Variants in PLCB1 observed in about 807,000 individuals in gnomAD.
The protein encoded by PLCB1 is 1-phosphatidylinositol 4,5-bisphosphate phosphodiesterase beta-1.
PLCB1 carries 46 observed loss-of-function variants against 161.8 expected under a neutral mutation model. That is an observed-to-expected ratio of 0.28 (90% CI 0.22 to 0.36). PLCB1 has a LOEUF of 0.36. Among genes scored for constraint, PLCB1 ranks in the 10% least tolerant of loss-of-function variants. The probability of loss-of-function intolerance (pLI) is 1.00; values close to 1 mark genes in which losing one functional copy is unlikely to be tolerated. For missense variants in PLCB1, 1,016 were observed against 1,472.5 expected (o/e 0.69, Z 5.07); for synonymous variants, 517 against 503.7 (o/e 1.03, Z -0.35).
intron 2 of PLCB1, among the ~76,000 whole-genome samples, chr20:8,166,473 C>T (rs2051676341): frequency 6.6e-6 from 1 of 152,182 alleles, no homozygotes; most frequent in Non-Finnish European, 1.5e-5. Flanking sequence ...CTGTAAGTTG[C>T]AGTCCTTCTC....
rs1484004655 is a variant in PLCB1, at chr20:8,361,662, T to C, written c.178-9720T>C. Among the ~76,000 whole-genome samples, 8 of 152,302 alleles carry C rather than the reference T, an allele frequency of 5.3e-5. No individual in the cohort carries two copies. The South Asian group carries it at 1.7e-3, about 32-fold the overall frequency. The stretch of plus-strand genomic sequence containing the variant: ...AGATAAGTGATGGATTCAAATATTA[T>C]ATTAAGGTAAGATTGAGGGAGTAGT... On this transcript the variant is annotated intron_variant, in intron 2 of 31. Coordinates refer to ENST00000338037, the MANE Select transcript of PLCB1 (RefSeq NM_015192.4).
chr20:8,218,331 G>A (rs562609423), intron 2 of PLCB1, among the ~76,000 whole-genome samples: 3 of 152,082 alleles, frequency 2.0e-5, no homozygotes, highest in Non-Finnish European at 4.4e-5. Context: ...AGTTCAGATA[G>A]GTCATAGAGT....
intron 2 of PLCB1, among the ~76,000 whole-genome samples, chr20:8,298,592 C>CTT: frequency 7.4e-6 from 1 of 134,280 alleles, no homozygotes; most frequent in Admixed American, 7.4e-5. Context: ...GGAATTGGGG[C>CTT]TTTTTTTTTT....
At chr20:8,471,726 C>G (rs953586451) in intron 3 of PLCB1, among the ~76,000 whole-genome samples, 1 of 152,122 alleles carries the variant, frequency 6.6e-6, no homozygotes, top group Non-Finnish European at 1.5e-5. Context: ...TTTCAAAGAG[C>G]TCTAAATTTA....
Position 8,287,524 on chromosome 20 carries a change from C to T in PLCB1, c.178-83858C>T, listed in dbSNP as rs541864360. ...TGTGGCTCCATGTAGATGATTCCTA[C>T]AGGGCTGGAAAGCAATTACTCAGTA... On this transcript the variant is annotated intron_variant, in intron 2 of 31. Transcript: ENST00000338037. Among the ~76,000 whole-genome samples, 4 of 152,250 alleles carry T rather than the reference C, an allele frequency of 2.6e-5. No individual in the cohort carries two copies. The South Asian group carries it at 8.3e-4, about 32-fold the overall frequency.
rs1382851309 is a variant in PLCB1 at position 8,739,369 on chromosome 20, A to T, written c.2308+9A>T. On this transcript the variant is annotated intron_variant, in intron 21 of 31. Transcript: ENST00000338037. ...GCAAGCCATTCGGCCAGGTATGGGTAGTGTGCTGAGAAACCTTTTATCAAA... is the reference window on the plus strand; with the variant it reads ...GCAAGCCATTCGGCCAGGTATGGGTTGTGTGCTGAGAAACCTTTTATCAAA... 6.4e-7 allele frequency: 1 copy of T among 1,555,924 alleles called. No homozygotes were observed. Among genetic ancestry groups the T allele is most frequent in the Non-Finnish European group, 8.9e-7 (1 of 1,127,120 alleles).
intron 2 of PLCB1, among the ~76,000 whole-genome samples, chr20:8,353,325 T>C (rs538674018): frequency 6.6e-6 from 1 of 152,194 alleles, no homozygotes; most frequent in Admixed American, 6.5e-5. Context: ...TATAAATCAG[T>C]CATTGAATGA....
intron 3 of PLCB1, among the ~76,000 whole-genome samples, chr20:8,474,785 A>T (rs1982199805): frequency 6.6e-6 from 1 of 152,140 alleles, no homozygotes. Flanking sequence ...AGAATGGGGA[A>T]GTACATTGCC....
chr20:8,651,987 G>A, intron 7 of PLCB1: 2 of 152,704 alleles, frequency 1.3e-5, no homozygotes, highest in South Asian at 2.1e-4. Flanking sequence ...GATAACCTCT[G>A]GTAAAATATA....
intron 3 of PLCB1, among the ~76,000 whole-genome samples, chr20:8,548,200 A>G (rs1351676283): frequency 9.8e-6 from 1 of 102,126 alleles, no homozygotes. Flanking sequence ...CTTTCTTCCC[A>G]TTTTCTTTCC....
chr20:8,348,661 A>G (rs1986077516), intron 2 of PLCB1, among the ~76,000 whole-genome samples: 2 of 152,222 alleles, frequency 1.3e-5, no homozygotes, highest in African/African-American at 4.8e-5. Context: ...CTTCTTTCAC[A>G]TGGAAGAAAT....
intron 22 of PLCB1, among the ~76,000 whole-genome samples, chr20:8,740,917 G>A (rs1044121121): frequency 2.6e-5 from 4 of 152,194 alleles, no homozygotes; most frequent in Non-Finnish European, 5.9e-5. Flanking sequence ...ACCATGGTAA[G>A]CTTGGGGCTG....
intron 3 of PLCB1, among the ~76,000 whole-genome samples, chr20:8,430,125 G>T (rs1004521012): frequency 6.6e-6 from 1 of 151,964 alleles, no homozygotes; most frequent in Non-Finnish European, 1.5e-5. Flanking sequence ...CTGTGACTGG[G>T]TGTGAATCTA....
chr20:8,883,486 A>T lies in PLCB1; in HGVS notation c.*1637A>T, dbSNP rs1449969875. On this transcript the variant is annotated 3_prime_UTR_variant, in exon 32 of 32. Transcript: ENST00000338037. Reference sequence around the variant, plus strand: ...TAAAACCCAGAAGCCAGATGCTCACAGTTTTATTTTACTTTAAAATAAACC... The same window carrying T: ...TAAAACCCAGAAGCCAGATGCTCACTGTTTTATTTTACTTTAAAATAAACC... The T allele has an allele frequency of 6.6e-6, 1 of 152,130 alleles. No individual in the cohort carries two copies. Among genetic ancestry groups the T allele is most frequent in the African/African-American group, 2.4e-5 (1 of 41,466 alleles). The allele number at this position is 152,130 out of a possible 1,614,324, so 9.4% of individuals were successfully genotyped here. A position where few individuals can be genotyped will look rare whatever the true frequency, so the allele number is the denominator to read the frequency against.
chr20:8,508,453 G>T (rs1044926767), intron 3 of PLCB1, among the ~76,000 whole-genome samples: 11 of 152,322 alleles, frequency 7.2e-5, no homozygotes, highest in Middle Eastern at 3.4e-3. Context: ...CAGAATGACA[G>T]ACTCGAAGTG....
chr20:8,495,357 G>T (rs754644294), intron 3 of PLCB1, among the ~76,000 whole-genome samples: 1 of 150,514 alleles, frequency 6.6e-6, no homozygotes, highest in African/African-American at 2.5e-5. Flanking sequence ...GAGTTCAGCC[G>T]GTGTTTGTGG....
chr20:8,771,722 T>A, intron 26 of PLCB1, among the ~76,000 whole-genome samples: 1 of 152,236 alleles, frequency 6.6e-6, no homozygotes, highest in Non-Finnish European at 1.5e-5. Context: ...TAAAGATACG[T>A]CATGAGGAGC....
chr20:8,831,884 TTC>T (rs1348723226), intron 31 of PLCB1, among the ~76,000 whole-genome samples: 2 of 138,996 alleles, frequency 1.4e-5, no homozygotes, highest in Non-Finnish European at 3.1e-5. Flanking sequence ...CTTTCTTTCT[TTC>T]TCTTTCTTTC....
At chr20:8,611,424 G>A (rs2123171939) in intron 3 of PLCB1, among the ~76,000 whole-genome samples, 2 of 152,178 alleles carry the variant, frequency 1.3e-5, no homozygotes, top group South Asian at 4.1e-4. Context: ...CACCAAAAAA[G>A]GCTTCACTAT....
Sources: allele counts gnomAD v4.1 joint callset (sites outside exome capture counted in the v4.1 genomes callset), GRCh38; gene constraint gnomAD v4.1.1; transcripts MANE v1.5; gene names NCBI Gene and HGNC (gene_info 2026-07-23, HGNC 2026-07-21).